PEX14: variants seen among roughly 807,000 people sequenced by gnomAD.
PEX14 encodes the protein peroxisomal membrane protein PEX14.
Under a neutral mutation model 49.5 loss-of-function variants are expected in PEX14, and 15 were observed. The observed-to-expected ratio is 0.30, with a 90% confidence interval of 0.20 to 0.47. The LOEUF (loss-of-function observed/expected upper bound fraction) is 0.47, where lower values mean the gene tolerates loss of function less well. Ranked by LOEUF, PEX14 falls within the 20% of genes least tolerant of loss-of-function variation. PEX14 has a pLI of 1.00. For missense variants in PEX14, 398 were observed against 494.8 expected, an observed-to-expected ratio of 0.80 and a Z score of 1.86; for synonymous variants, 210 against 212.7, an observed-to-expected ratio of 0.99 and a Z score of 0.11.
intron 3 of PEX14, among the ~76,000 whole-genome samples, chr1:10,583,513 C>T (rs1038602966): frequency 5.3e-5 from 8 of 151,834 alleles, no homozygotes; most frequent in South Asian, 2.1e-4. Flanking sequence ...TTAGCTACCA[C>T]GCCTGGCTTT....
Position 10,507,191 on chromosome 1 carries a change from C to T in PEX14, c.84+11870C>T, listed in dbSNP as rs145472655. The stretch of plus-strand genomic sequence containing the variant: ...AGACTGAGCCCAGAGCATTCAAGTT[C>T]CTACAGCTAAGAAGTGGCAGGACTG... On this transcript the variant is annotated intron_variant, in intron 2 of 8. Coordinates refer to ENST00000356607, the MANE Select transcript of PEX14 (RefSeq NM_004565.3). 8.5e-5 allele frequency among the ~76,000 whole-genome samples: 13 copies of T among 152,336 alleles called. No homozygotes were observed. The East Asian group carries it at 2.5e-3, about 29-fold the overall frequency.
Position 10,619,932 on chromosome 1 carries a change from G to A in PEX14, c.384+1515G>A, listed in dbSNP as rs145312197. ...AGATCGAGACCATCCTGGCTAACAC[G>A]GTGAAACCCCGACTCTACTAAAAAT... On this transcript the variant is annotated intron_variant, in intron 5 of 8. Transcript: ENST00000356607. Among the ~76,000 whole-genome samples the A allele has an allele frequency of 2.2e-3, 330 of 151,866 alleles. 1 individual carries two copies. The highest frequency in any genetic ancestry group is 7.4e-3 in the African/African-American group (307 of 41,420).
chr1:10,517,562 G>T (rs1183814550), intron 2 of PEX14, among the ~76,000 whole-genome samples: 1 of 151,940 alleles, frequency 6.6e-6, no homozygotes, highest in African/African-American at 2.4e-5. Context: ...TACTGGTTGT[G>T]GGCAAGAATG....
chr1:10,541,837 A>G (rs1389417823), intron 3 of PEX14, among the ~76,000 whole-genome samples: 2 of 152,196 alleles, frequency 1.3e-5, no homozygotes, highest in African/African-American at 4.8e-5. Context: ...TGGCTTCCCC[A>G]TTCAGAGCGG....
chr1:10,533,648 G>T (rs1638712950), intron 2 of PEX14, among the ~76,000 whole-genome samples: 1 of 152,174 alleles, frequency 6.6e-6, no homozygotes, highest in Non-Finnish European at 1.5e-5. Flanking sequence ...AAAGCATGGT[G>T]ATCTAAACCT....
At chr1:10,604,875 TG>T (rs1203315708) in intron 4 of PEX14, among the ~76,000 whole-genome samples, 1 of 151,802 alleles carries the variant, frequency 6.6e-6, no homozygotes, top group Non-Finnish European at 1.5e-5. Context: ...GAGACATGGG[TG>T]GGGGGGCATC....
At chr1:10,549,869 A>T (rs1249431451) in intron 3 of PEX14, among the ~76,000 whole-genome samples, 2 of 152,244 alleles carry the variant, frequency 1.3e-5, no homozygotes, top group Admixed American at 1.3e-4. Context: ...CAGAAATAAC[A>T]TAAAATAGCA....
chr1:10,530,596 C>T lies in PEX14; in HGVS notation c.85-5617C>T, dbSNP rs1638620754. ...TAGTCTGGTTTCGGGGAGCCTGTTC[C>T]TCCTTGTCCTTGCAGAGGCGCGTAT... On this transcript the variant is annotated intron_variant, in intron 2 of 8. Coordinates refer to ENST00000356607, the MANE Select transcript of PEX14 (RefSeq NM_004565.3). Among the ~76,000 whole-genome samples the T allele has an allele frequency of 2.0e-5, 3 of 152,300 alleles. No individual in the cohort carries two copies. The South Asian group carries it at 6.2e-4, about 32-fold the overall frequency.
rs1268691191 is a variant in PEX14 at position 10,512,789 on chromosome 1, C to T, written c.84+17468C>T. ...TGTCGGCTCACTGCAACCTCCGCCT[C>T]ACGGGTTCAAGCGATTCCCTGCCTC... On this transcript the variant is annotated intron_variant, in intron 2 of 8. Transcript: ENST00000356607. This position sits in a 1 kb window ranked among gnomAD's most constrained non-coding sequence, Gnocchi z 4.6. 7.9e-5 allele frequency among the ~76,000 whole-genome samples: 12 copies of T among 152,130 alleles called. No individual in the cohort carries two copies. Among genetic ancestry groups the T allele is most frequent in the Non-Finnish European group, 1.5e-5 (1 of 68,020 alleles).
rs900119415 is a variant in PEX14, at chr1:10,630,204, A to G, written c.*217A>G. On this transcript the variant is annotated 3_prime_UTR_variant, in exon 9 of 9. Coordinates refer to ENST00000356607, the MANE Select transcript of PEX14 (RefSeq NM_004565.3). The surrounding 1 kb of genome is among the most constrained non-coding windows in gnomAD (Gnocchi z 4.1). ...GGCCGCCAGCCCCAGCCCCAGCCCC[A>G]GCCCCAGGCCCAGCTGCCTTTGGCT... The G allele has an allele frequency of 7.2e-6, 5 of 692,100 alleles. No homozygotes were observed. Among genetic ancestry groups the G allele is most frequent in the Non-Finnish European group, 9.2e-6 (4 of 435,180 alleles). The allele number at this position is 692,100 out of a possible 1,614,324, so 42.9% of individuals were successfully genotyped here.
intron 3 of PEX14, among the ~76,000 whole-genome samples, chr1:10,575,108 AC>A (rs747276037): frequency 1.3e-4 from 20 of 152,042 alleles, no homozygotes; most frequent in Non-Finnish European, 2.1e-4. Context: ...AAAAAAGGAA[AC>A]AGAATTGACA....
chr1:10,523,000 T>A (rs1184553620), intron 2 of PEX14, among the ~76,000 whole-genome samples: 1 of 152,230 alleles, frequency 6.6e-6, no homozygotes, highest in Non-Finnish European at 1.5e-5. Flanking sequence ...TGTTGAAATA[T>A]AGATGTGTTG....
chr1:10,615,985 A>AACAGAAAT (rs564406182), intron 4 of PEX14, among the ~76,000 whole-genome samples: 36 of 152,280 alleles, frequency 2.4e-4, no homozygotes, highest in Admixed American at 1.4e-3. Context: ...AAAAGTGTAA[A>AACAGAAAT]ACAGAAATGG....
chr1:10,493,592 C>T (rs940876668), intron 1 of PEX14, among the ~76,000 whole-genome samples: 2 of 151,946 alleles, frequency 1.3e-5, no homozygotes, highest in African/African-American at 2.4e-5. Flanking sequence ...CACACCTGGC[C>T]CATTTTTATA....
intron 1 of PEX14, among the ~76,000 whole-genome samples, chr1:10,480,724 G>T (rs1032676738): frequency 6.6e-6 from 1 of 151,916 alleles, no homozygotes; most frequent in African/African-American, 2.4e-5. Flanking sequence ...AATTTCTCAC[G>T]TATAGAAAAG....
At chr1:10,568,323 T>TC (rs58295618) in intron 3 of PEX14, among the ~76,000 whole-genome samples, 22 of 118,700 alleles carry the variant, frequency 1.9e-4, no homozygotes, top group East Asian at 5.2e-4. Flanking sequence ...TAGATACTCT[T>TC]CCCCCCCCCC....
chr1:10,510,491 G>A (rs1321891209), intron 2 of PEX14, among the ~76,000 whole-genome samples: 1 of 152,172 alleles, frequency 6.6e-6, no homozygotes, highest in Non-Finnish European at 1.5e-5. Context: ...CTGGCATGGA[G>A]AAGGAAAAGT....
intron 1 of PEX14, among the ~76,000 whole-genome samples, chr1:10,479,506 A>C (rs926945043): frequency 6.6e-6 from 1 of 152,236 alleles, no homozygotes; most frequent in African/African-American, 2.4e-5. Context: ...CGTAGGAATG[A>C]GAAACGTTAT....
At chr1:10,490,950 C>T (rs940721712) in intron 1 of PEX14, among the ~76,000 whole-genome samples, 3 of 151,718 alleles carry the variant, frequency 2.0e-5, no homozygotes, top group Non-Finnish European at 2.9e-5. Flanking sequence ...GCGATCCTCC[C>T]ACATCGGCCT....
Sources: gnomAD v4.1 joint callset for allele counts (sites outside exome capture counted in the v4.1 genomes callset) on GRCh38, gnomAD v4.1.1 for gene constraint, Gnocchi (gnomAD v3.1) non-coding constraint, MANE v1.5 for transcripts, NCBI Gene and HGNC (gene_info 2026-07-23, HGNC 2026-07-21) for gene names.